Variants in TTC3 observed in about 807,000 individuals in gnomAD.
TTC3 encodes E3 ubiquitin-protein ligase TTC3.
A neutral mutation model predicts 249.6 loss-of-function variants in TTC3; 180 were observed. The observed-to-expected ratio is 0.72, with a 90% CI of 0.64 to 0.82. TTC3 has a LOEUF of 0.82. TTC3 is among the 40% of genes least tolerant of loss of function. The pLI is 0.00. For synonymous variants in TTC3, 717 were observed against 805.0 expected, an observed-to-expected ratio of 0.89 and a Z score of 1.85; for missense variants, 2,061 against 2,398.4, an observed-to-expected ratio of 0.86 and a Z score of 2.94.
rs530638689 is a variant in TTC3, at chr21:37,141,130, GTTGTAATCC to G, written c.1772+460_1772+468del. On this transcript the variant is annotated intron_variant, in intron 20 of 45. Transcript: ENST00000355666. Reference sequence around the variant, plus strand: ...AGTCTGTCCTCTGAACTCTATTGTAGTTGTAATCCTTACCTGCAGTTTAATATTGAAGCT... The same window carrying G: ...AGTCTGTCCTCTGAACTCTATTGTAGTTACCTGCAGTTTAATATTGAAGCT... Among the ~76,000 whole-genome samples, 43 of 152,258 alleles carry G rather than the reference GTTGTAATCC, an allele frequency of 2.8e-4. No homozygotes were observed. The East Asian group carries it at 8.1e-3, about 29-fold the overall frequency.
exon 46 of TTC3, chr21:37,201,591 T>G: frequency 1.2e-6 from 2 of 1,608,730 alleles, no homozygotes; most frequent in Middle Eastern, 1.7e-4. Context: ...TTCACTAAAG[T>G]GTCATCCACC....
chr21:37,074,205 C>A (rs549506216), intron 1 of TTC3, among the ~76,000 whole-genome samples: 1 of 152,358 alleles, frequency 6.6e-6, no homozygotes, highest in African/African-American at 2.4e-5. Context: ...GCGCCTCTTT[C>A]TGAGCATTCT....
chr21:37,084,991 T>TCAAACAAA (rs71328551), intron 1 of TTC3, among the ~76,000 whole-genome samples: 52,093 of 151,312 alleles, frequency 0.34, 10,448 homozygotes, highest in Non-Finnish European at 0.46. Flanking sequence ...AGACTGTGTC[T>TCAAACAAA]CAAACAAACA....
intron 32 of TTC3, 125 bp downstream of exon 32, chr21:37,164,340 ATT>A (rs34114322): frequency 0.029 from 19,402 of 673,198 alleles, no homozygotes; most frequent in Admixed American, 0.037. Flanking sequence ...TTAATTTAGG[ATT>A]TTTTTTTTTT....
intron 14 of TTC3, 99 bp from the exon 15 acceptor site, chr21:37,125,981 T>C (rs571899627): frequency 2.6e-6 from 3 of 1,156,268 alleles, no homozygotes; most frequent in Non-Finnish European, 3.6e-6. Context: ...CTAGGGTGAA[T>C]TCTATCCTAT....
chr21:37,138,779 T>A lies in TTC3; in HGVS notation c.1659+65T>A, dbSNP rs529502276. On this transcript the variant is annotated intron_variant, in intron 19 of 45. Coordinates refer to ENST00000355666, the Ensembl canonical transcript of TTC3. ...ATTGACATATCTTATAAAAATTATT[T>A]TCTCATTTTTACCCATTTTCTTCTC... The A allele has an allele frequency of 6.7e-5, 79 of 1,185,904 alleles. 1 individual carries two copies. The South Asian group carries it at 1.2e-3, about 18-fold the overall frequency. The allele number at this position is 1,185,904 out of a possible 1,614,324, so 73.5% of individuals were successfully genotyped here.
Position 37,079,517 on chromosome 21 carries a change from G to GTT in TTC3, c.-12+6186_-12+6187dup, listed in dbSNP as rs60361476. ...GTCCTTTCATCAAGTTTATGGTATG[G>GTT]TTTTTTTTTTTTTTTTTTTTTTTTT... On this transcript the variant is annotated intron_variant, in intron 1 of 45. Coordinates refer to ENST00000355666, the Ensembl canonical transcript of TTC3. 5.3e-3 allele frequency among the ~76,000 whole-genome samples: 483 copies of GTT among 90,982 alleles called. 27 individuals carry two copies. Among genetic ancestry groups the GTT allele is most frequent in the Non-Finnish European group, 6.5e-3 (319 of 49,116 alleles). 59.7% of individuals were successfully genotyped at this position (90,982 alleles called of 152,430 possible). A position where few individuals can be genotyped will look rare whatever the true frequency, so the allele number is the denominator to read the frequency against.
intron 34 of TTC3, among the ~76,000 whole-genome samples, chr21:37,167,834 A>C (rs1418515632): frequency 1.3e-5 from 2 of 152,014 alleles, no homozygotes; most frequent in Non-Finnish European, 2.9e-5. Context: ...ACTTATTTCA[A>C]ATTATAACAG....
chr21:37,192,580 C>T (rs374063347), intron 41 of TTC3, among the ~76,000 whole-genome samples: 9 of 151,002 alleles, frequency 6.0e-5, no homozygotes, highest in East Asian at 3.9e-4. Flanking sequence ...TTGCCTGTTG[C>T]GCACTGCTTT....
chr21:37,089,095 C>T (rs905604939), intron 5 of TTC3, among the ~76,000 whole-genome samples: 2 of 152,086 alleles, frequency 1.3e-5, no homozygotes, highest in African/African-American at 4.8e-5. Flanking sequence ...ACGCTGGGGA[C>T]CAGGACTGCA....
intron 28 of TTC3, 183 bp downstream of exon 28, chr21:37,157,089 C>T (rs778601080): frequency 7.3e-7 from 1 of 1,368,006 alleles, no homozygotes; most frequent in South Asian, 1.3e-5. Context: ...AGCTTTTTTA[C>T]TTTATCAGTT....
rs556740335 is a variant in TTC3 at position 37,197,332 on chromosome 21, G to A, written c.5580-238G>A. Among the ~76,000 whole-genome samples, 236 of 151,778 alleles carry A rather than the reference G, an allele frequency of 1.6e-3. 1 individual carries two copies. Among genetic ancestry groups the A allele is most frequent in the Middle Eastern group, 3.4e-3 (1 of 294 alleles). ...GAACCTGAGAGGCAGAGGTTGCAGT[G>A]AGCAGGGATCGCGCCACTGCCCTCC... On this transcript the variant is annotated intron_variant, in intron 42 of 45. Coordinates refer to ENST00000355666, the Ensembl canonical transcript of TTC3.
At chr21:37,164,067 T>C (rs1233147654) in exon 32 of TTC3, 4 of 1,602,876 alleles carry the variant, frequency 2.5e-6, no homozygotes, top group Non-Finnish European at 3.4e-6. Context: ...AAATTCAGAT[T>C]CTGCAGGCCC....
At chr21:37,148,952 G>A (rs549885021) in intron 23 of TTC3, among the ~76,000 whole-genome samples, 1 of 151,580 alleles carries the variant, frequency 6.6e-6, no homozygotes, top group East Asian at 1.9e-4. Flanking sequence ...GCCTCCCAAA[G>A]TGCTGGGATT....
At chr21:37,167,228 A>G (rs1455678238) in intron 33 of TTC3, among the ~76,000 whole-genome samples, 1 of 152,214 alleles carries the variant, frequency 6.6e-6, no homozygotes, top group Non-Finnish European at 1.5e-5. Context: ...CTTTCCTAAC[A>G]AGGAAGAGAT....
intron 35 of TTC3, among the ~76,000 whole-genome samples, chr21:37,176,285 A>G (rs976284989): frequency 6.6e-6 from 1 of 152,166 alleles, no homozygotes; most frequent in Admixed American, 6.5e-5. Flanking sequence ...GAATATTCAC[A>G]TTATTGTGTA....
At chr21:37,135,009 ATTG>A (rs1176260603) in intron 17 of TTC3, among the ~76,000 whole-genome samples, 1 of 152,168 alleles carries the variant, frequency 6.6e-6, no homozygotes, top group East Asian at 1.9e-4. Context: ...TAAGTGTCTA[ATTG>A]TTCTACTCCC....
chr21:37,119,687 T>G (rs999520178), intron 11 of TTC3, among the ~76,000 whole-genome samples: 8 of 152,194 alleles, frequency 5.3e-5, no homozygotes, highest in Non-Finnish European at 1.2e-4. Context: ...TCACAGGGCT[T>G]ACTTTATATG....
chr21:37,102,656 C>T (rs1390225123), intron 10 of TTC3, among the ~76,000 whole-genome samples: 1 of 152,176 alleles, frequency 6.6e-6, no homozygotes, highest in East Asian at 1.9e-4. Context: ...GAACTGGGCT[C>T]TTGGGAACTT....
Sources: gnomAD v4.1 joint callset for allele counts (sites outside exome capture counted in the v4.1 genomes callset) on GRCh38, gnomAD v4.1.1 for gene constraint, MANE v1.5 for transcripts, NCBI Gene and HGNC (gene_info 2026-07-23, HGNC 2026-07-21) for gene names.